TBL1X: variants seen among roughly 807,000 people sequenced by gnomAD.
TBL1X encodes transducin beta like 1 X-linked, also known as F-box-like/WD repeat-containing protein TBL1X.
A neutral mutation model predicts 50.7 loss-of-function variants in TBL1X; 10 were observed. That is an observed-to-expected ratio of 0.20 (90% CI 0.12 to 0.33). TBL1X has a LOEUF of 0.33. Ranked by LOEUF, TBL1X falls within the 10% of genes least tolerant of loss-of-function variation. The pLI, the probability that TBL1X is intolerant of heterozygous loss-of-function variation, is 1.00. For missense variants in TBL1X, 340 were observed against 504.4 expected (o/e 0.67, Z 3.12); for synonymous variants, 190 against 214.7 (o/e 0.88, Z 1.01).
chrX:9,481,958 A>G (rs1307537707), intron 1 of TBL1X, among the ~76,000 whole-genome samples: 1 of 112,581 alleles, frequency 8.9e-6, no homozygotes, highest in East Asian at 2.8e-4. Context: ...TATTTTGCAC[A>G]TAAATTAGTC....
intron 2 of TBL1X, among the ~76,000 whole-genome samples, chrX:9,525,209 G>C (rs1018717213): frequency 2.0e-4 from 22 of 111,442 alleles, no homozygotes; most frequent in African/African-American, 6.9e-4. Context: ...TGGAAACCCG[G>C]AACACCATGG....
chrX:9,513,008 G>A (rs1238296452), intron 2 of TBL1X, among the ~76,000 whole-genome samples: 1 of 110,714 alleles, frequency 9.0e-6, no homozygotes, highest in Non-Finnish European at 1.9e-5. Context: ...AGGACCTTAT[G>A]CGGCTCCTTT....
intron 5 of TBL1X, 82 bp downstream of exon 5, chrX:9,654,404 A>C: frequency 1.1e-6 from 1 of 940,102 alleles, no homozygotes; most frequent in Non-Finnish European, 1.5e-6. Context: ...ATTCAAAACC[A>C]GGCTGTAGAA....
chrX:9,586,206 C>T lies in TBL1X; in HGVS notation c.-130-54067C>T, dbSNP rs139928233. Among the ~76,000 whole-genome samples, 839 of 112,247 alleles carry T rather than the reference C, an allele frequency of 7.5e-3. 2 individuals are homozygous for T. The highest frequency in any genetic ancestry group is 0.012 in the Non-Finnish European group (636 of 53,263). ...ACTTACACACTCAGGTTTAGAGCAG[C>T]GTTATTTATATTAACCAAGAGGTGG... On this transcript the variant is annotated intron_variant, in intron 2 of 17. Coordinates refer to ENST00000645353, the MANE Select transcript of TBL1X (RefSeq NM_005647.4).
At chrX:9,564,146 G>A (rs2082336840) in intron 2 of TBL1X, among the ~76,000 whole-genome samples, 1 of 112,505 alleles carries the variant, frequency 8.9e-6, no homozygotes, top group Non-Finnish European at 1.9e-5. Context: ...TGGGCCGGGC[G>A]TGGTGGCTCA....
chrX:9,555,980 G>C (rs1488079454), intron 2 of TBL1X, among the ~76,000 whole-genome samples: 2 of 110,709 alleles, frequency 1.8e-5, no homozygotes, highest in African/African-American at 3.3e-5. Context: ...TTGATCCCAG[G>C]AGTTTGAGAT....
chrX:9,517,380 A>G (rs1480226782), intron 2 of TBL1X, among the ~76,000 whole-genome samples: 3 of 111,330 alleles, frequency 2.7e-5, no homozygotes, highest in Non-Finnish European at 5.7e-5. Flanking sequence ...AGGCCCAGGC[A>G]GGAGCATAAC....
intron 3 of TBL1X, among the ~76,000 whole-genome samples, chrX:9,642,632 G>A (rs1414013022): frequency 1.8e-5 from 2 of 112,024 alleles, no homozygotes; most frequent in Non-Finnish European, 3.8e-5. Context: ...TAGGCAGTCC[G>A]TTCTCGGATG....
chrX:9,546,882 G>A (rs1319229035), intron 2 of TBL1X, among the ~76,000 whole-genome samples: 5 of 86,696 alleles, frequency 5.8e-5, no homozygotes, highest in African/African-American at 1.8e-4. Flanking sequence ...GCAGTGGCGC[G>A]ATCTCGGCTC....
At chrX:9,663,253 T>G (rs1295965658) in intron 5 of TBL1X, among the ~76,000 whole-genome samples, 3 of 111,771 alleles carry the variant, frequency 2.7e-5, no homozygotes, top group Non-Finnish European at 5.6e-5. Flanking sequence ...CAAAATCCAG[T>G]TATTTAAAAA....
chrX:9,624,320 C>T (rs756482401), intron 2 of TBL1X, among the ~76,000 whole-genome samples: 2 of 111,968 alleles, frequency 1.8e-5, no homozygotes, highest in Admixed American at 9.5e-5. Context: ...GCATCCGTTT[C>T]CTCCGTTAGC....
At chrX:9,669,115 TG>T (rs757249107) in intron 5 of TBL1X, among the ~76,000 whole-genome samples, 1 of 112,127 alleles carries the variant, frequency 8.9e-6, no homozygotes, top group South Asian at 3.7e-4. Context: ...GAATTCTTTG[TG>T]GGCTACAAGT....
At chrX:9,674,679 A>ACCCCC (rs1569094481) in intron 5 of TBL1X, among the ~76,000 whole-genome samples, 2 of 1,053 alleles carry the variant, frequency 1.9e-3, no homozygotes, top group Non-Finnish European at 1.8e-3. Flanking sequence ...CTCCCGCCTC[A>ACCCCC]GCCCCCCCCC....
intron 2 of TBL1X, among the ~76,000 whole-genome samples, chrX:9,571,807 A>C (rs1268751304): frequency 2.7e-5 from 3 of 111,681 alleles, no homozygotes; most frequent in African/African-American, 6.5e-5. Context: ...ATGACTCTGG[A>C]TACCTCCCGT....
chrX:9,704,818 G>C (rs2083197460), intron 12 of TBL1X, among the ~76,000 whole-genome samples, 175 bp from the exon 13 acceptor site: 1 of 112,130 alleles, frequency 8.9e-6, no homozygotes, highest in South Asian at 3.7e-4. Flanking sequence ...ATTCTAGGCT[G>C]CGTTGAGCCA....
chrX:9,692,327 A>G lies in TBL1X; in HGVS notation c.891+73A>G, dbSNP rs144071784. On this transcript the variant is annotated intron_variant, in intron 9 of 17. Transcript: ENST00000645353. ...CAGCCACCAGGCAGGGGCTGCAGCA[A>G]TGGAGCCCATGCAGACATAGGAGGC... is the stretch of plus-strand genomic sequence containing the variant. The G allele has an allele frequency of 3.1e-4, 343 of 1,109,892 alleles. 1 individual carries two copies. In the African/African-American group the frequency reaches 5.3e-3, roughly 17 times the overall value. 91.5% of individuals were successfully genotyped at this position (1,109,892 alleles called of 1,213,427 possible). A position where few individuals can be genotyped will look rare whatever the true frequency, so the allele number is the denominator to read the frequency against.
At chrX:9,494,886 C>G (rs1002563573) in intron 1 of TBL1X, among the ~76,000 whole-genome samples, 1 of 112,197 alleles carries the variant, frequency 8.9e-6, no homozygotes, top group Non-Finnish European at 1.9e-5. Flanking sequence ...AGTTGTAAAA[C>G]AGGAAGGAGG....
At chrX:9,682,386 A>G (rs1325872014) in intron 5 of TBL1X, among the ~76,000 whole-genome samples, 1 of 112,347 alleles carries the variant, frequency 8.9e-6, no homozygotes, top group Non-Finnish European at 1.9e-5. Flanking sequence ...GTAAAGAAAT[A>G]TGCAAGGCTC....
chrX:9,487,289 A>G (rs968873574), intron 1 of TBL1X, among the ~76,000 whole-genome samples: 3 of 111,575 alleles, frequency 2.7e-5, no homozygotes, highest in Admixed American at 9.5e-5. Flanking sequence ...TGTACCTGTT[A>G]AGACATCACT....
Sources: allele counts gnomAD v4.1 joint callset (sites outside exome capture counted in the v4.1 genomes callset), GRCh38; gene constraint gnomAD v4.1.1; transcripts MANE v1.5; gene names NCBI Gene and HGNC (gene_info 2026-07-23, HGNC 2026-07-21).